The following SPATA22 variants were observed in gnomAD, a reference collection of about 807,000 sequenced individuals.
SPATA22 encodes the protein spermatogenesis associated 22, also known as spermatogenesis-associated protein 22.
A neutral mutation model predicts 47.8 loss-of-function variants in SPATA22; 29 were observed. The ratio of observed to expected loss-of-function variants is 0.61; its 90% CI spans 0.45 to 0.83. The LOEUF (loss-of-function observed/expected upper bound fraction) is 0.83. Ranked by LOEUF, SPATA22 falls within the 40% of genes least tolerant of loss-of-function variation. SPATA22 has a pLI of 0.00. For missense variants in SPATA22, 410 were observed against 421.7 expected, an observed-to-expected ratio of 0.97 and a Z score of 0.24; for synonymous variants, 133 against 140.9, an observed-to-expected ratio of 0.94 and a Z score of 0.40.
At chr17:3,499,340 C>G in intron 1 of SPATA22, 1 of 311,224 alleles carries the variant, frequency 3.2e-6, no homozygotes, top group Non-Finnish European at 5.8e-6. Flanking sequence ...ACTTGGGTAG[C>G]TCAACATTCT....
At chr17:3,483,606 C>T (rs1316596985) in intron 1 of SPATA22, 1 of 1,584,658 alleles carries the variant, frequency 6.3e-7, no homozygotes, top group South Asian at 1.1e-5. Flanking sequence ...AGTCATAGTT[C>T]CCACTGTCAT....
chr17:3,466,347 G>T (rs2073314412), intron 3 of SPATA22, among the ~76,000 whole-genome samples: 1 of 151,986 alleles, frequency 6.6e-6, no homozygotes. Context: ...CCAGAGGAAA[G>T]TAAAAAGTCA....
intron 1 of SPATA22, among the ~76,000 whole-genome samples, chr17:3,510,055 G>A (rs2074092355): frequency 6.6e-6 from 1 of 152,146 alleles, no homozygotes; most frequent in Non-Finnish European, 1.5e-5. Flanking sequence ...GTAAATTCTG[G>A]ATATTAGACC....
chr17:3,461,674 C>T (rs928131320), intron 5 of SPATA22, among the ~76,000 whole-genome samples: 2 of 152,018 alleles, frequency 1.3e-5, no homozygotes, highest in Non-Finnish European at 2.9e-5. Flanking sequence ...TATTTATTAA[C>T]AACTATATAA....
chr17:3,475,815 A>G (rs1240246237), upstream of SPATA22, among the ~76,000 whole-genome samples: 1 of 152,232 alleles, frequency 6.6e-6, no homozygotes, highest in African/African-American at 2.4e-5. Flanking sequence ...CTAGCTGAGG[A>G]AAAGAATGGA....
intron 1 of SPATA22, among the ~76,000 whole-genome samples, chr17:3,505,756 G>GT (rs796099914): frequency 0.04 from 993 of 24,764 alleles, 16 homozygotes; most frequent in African/African-American, 0.064. Context: ...GTTGTTTTTT[G>GT]TTTTTTTTTT....
In SPATA22 at chr17:3,484,195, A is replaced by G. The variant is rs538467555; in HGVS notation, c.-73-14797T>C. Among the ~76,000 whole-genome samples the G allele has an allele frequency of 6.6e-5, 10 of 152,156 alleles. No individual in the cohort carries two copies. In the South Asian group the frequency reaches 2.1e-3, roughly 32 times the overall value. ...CAGTTCACCTGTCACCTCCTATAGAACTTTCCCTGACCCTCCTCTATAGCA... is the reference window on the plus strand; with the variant it reads ...CAGTTCACCTGTCACCTCCTATAGAGCTTTCCCTGACCCTCCTCTATAGCA... On this transcript the variant is annotated intron_variant, in intron 1 of 8. Transcript: ENST00000541913.
rs528281251 is a variant in SPATA22 at position 3,505,951 on chromosome 17, T to A, written c.-74+7461A>T. Among the ~76,000 whole-genome samples the A allele has an allele frequency of 2.0e-5, 3 of 152,080 alleles. No homozygotes were observed. The East Asian group carries it at 5.8e-4, about 29-fold the overall frequency. The stretch of plus-strand genomic sequence containing the variant: ...TTTTATATTTTTAGTAGAGATGGGG[T>A]TTCATCATATTGGTCAGGCTGGTCT... On this transcript the variant is annotated intron_variant, in intron 1 of 8. Transcript: ENST00000541913.
At chr17:3,443,074 A>T in intron 8 of SPATA22, 100 bp downstream of exon 8, 1 of 817,426 alleles carries the variant, frequency 1.2e-6, no homozygotes, top group Non-Finnish European at 1.9e-6. Flanking sequence ...TGTTAAAAGT[A>T]CTAAATTGTT....
chr17:3,466,247 T>C (rs2073311319), intron 3 of SPATA22, among the ~76,000 whole-genome samples: 2 of 151,410 alleles, frequency 1.3e-5, no homozygotes, highest in African/African-American at 4.9e-5. Context: ...TAAGATCCTA[T>C]TAATTTTTAA....
intron 8 of SPATA22, chr17:3,441,696 A>C (rs2072601544): frequency 6.6e-6 from 1 of 152,084 alleles, no homozygotes; most frequent in African/African-American, 2.4e-5. Context: ...TAAGAGACAT[A>C]GATAAGAATG....
At chr17:3,446,356 A>G in intron 7 of SPATA22, 116 bp downstream of exon 7, 2 of 974,982 alleles carry the variant, frequency 2.1e-6, no homozygotes, top group Non-Finnish European at 3.0e-6. Flanking sequence ...CTTTGAATAC[A>G]CTTTAGGGAG....
chr17:3,463,586 T>G (rs1208020620), intron 3 of SPATA22, among the ~76,000 whole-genome samples: 2 of 152,102 alleles, frequency 1.3e-5, no homozygotes, highest in African/African-American at 4.8e-5. Flanking sequence ...AAGTGGTGAG[T>G]GAATACGAAG....
chr17:3,475,222 T>C (rs1426592479), upstream of SPATA22, among the ~76,000 whole-genome samples: 1 of 152,212 alleles, frequency 6.6e-6, no homozygotes, highest in Non-Finnish European at 1.5e-5. Context: ...ATCATCTTAG[T>C]ATTCTGGAAA....
intron 1 of SPATA22, among the ~76,000 whole-genome samples, chr17:3,482,807 T>C (rs1022497317): frequency 7.0e-6 from 1 of 142,288 alleles, no homozygotes; most frequent in Admixed American, 6.9e-5. Flanking sequence ...ATTACTATTA[T>C]ACTTTAAGTT....
chr17:3,507,743 A>G (rs892179017), intron 1 of SPATA22, among the ~76,000 whole-genome samples: 1 of 152,230 alleles, frequency 6.6e-6, no homozygotes, highest in African/African-American at 2.4e-5. Flanking sequence ...ACATGACCGG[A>G]AGAGCTTTGT....
At position 3,483,559 on chromosome 17, in the gene SPATA22, G is replaced by A. The variant is rs2150748669; in HGVS notation, c.-73-14161C>T. On this transcript the variant is annotated intron_variant, in intron 1 of 8. Transcript: ENST00000541913. ...GATTGAGCATCCTTCCCTCAAATAT[G>A]CGACCACTCGTTCCATAGCCAAGTA... The A allele has an allele frequency of 2.5e-6, 4 of 1,614,022 alleles. No individual in the cohort carries two copies. Among genetic ancestry groups the A allele is most frequent in the Non-Finnish European group, 3.4e-6 (4 of 1,179,972 alleles).
chr17:3,471,453 G>T, intron 1 of SPATA22: 1 of 985,410 alleles, frequency 1.0e-6, no homozygotes, highest in Non-Finnish European at 1.2e-6. Flanking sequence ...CTCCCAAATG[G>T]ACCTAAGTGG....
chr17:3,502,456 T>C (rs2150767303), intron 1 of SPATA22: 1 of 152,342 alleles, frequency 6.6e-6, no homozygotes, highest in African/African-American at 2.4e-5. Flanking sequence ...ATTGCTATTT[T>C]TTTCAATTTT....
Sources: gnomAD v4.1 joint callset for allele counts (sites outside exome capture counted in the v4.1 genomes callset) on GRCh38, gnomAD v4.1.1 for gene constraint, MANE v1.5 for transcripts, NCBI Gene and HGNC (gene_info 2026-07-23, HGNC 2026-07-21) for gene names.